The following PLAAT1 variants were observed in gnomAD, a reference collection of about 807,000 sequenced individuals.
PLAAT1 encodes the protein phospholipase A and acyltransferase 1.
PLAAT1 carries 13 observed loss-of-function variants against 16.4 expected under a neutral mutation model. The observed-to-expected ratio is 0.79, with a 90% CI of 0.52 to 1.26. The LOEUF (loss-of-function observed/expected upper bound fraction) is 1.26, where lower values mean the gene tolerates loss of function less well. Ranked by LOEUF, PLAAT1 falls within the 50% of genes most tolerant of loss-of-function variation. The pLI is 0.00. For synonymous variants in PLAAT1, 73 were observed against 78.4 expected, an observed-to-expected ratio of 0.93 and a Z score of 0.36; for missense variants, 218 against 207.8, an observed-to-expected ratio of 1.05 and a Z score of -0.30.
upstream of PLAAT1, chr3:193,241,074 C>A: frequency 1.7e-6 from 1 of 586,592 alleles, no homozygotes; most frequent in Non-Finnish European, 2.4e-6. Flanking sequence ...GTTGCGTGCG[C>A]GCGCGGAGGC....
In PLAAT1 at chr3:193,263,026, G is replaced by A. The variant is rs768917544; in HGVS notation, c.196G>A (p.Val66Met). 16 of 1,614,056 alleles carry A rather than the reference G, an allele frequency of 9.9e-6. No homozygotes were observed. The highest frequency in any genetic ancestry group is 2.2e-5 in the South Asian group (2 of 91,074). The change falls in exon 3 of 4, where the codon GTG becomes ATG. Residue 66 changes from valine to methionine, a missense_variant. By Grantham distance (21) the Val-to-Met change is conservative. Coordinates refer to ENST00000264735, the MANE Select transcript of PLAAT1 (RefSeq NM_020386.5). ...GTCTGTATTCAGCAGTAAGGCCCTG[G>A]TGAAAATGCAGCTCTTGAAGGATGT... is the stretch of plus-strand genomic sequence containing the variant. ...AKSVFSSKAL[V>M]KMQLLKDVVG... is the part of the protein sequence containing the mutation.
chr3:193,270,938 T>C, downstream of PLAAT1: 1 of 737,582 alleles, frequency 1.4e-6, no homozygotes, highest in Non-Finnish European at 1.8e-6. Context: ...GTCTTTTGAG[T>C]GAGCCAGCAG....
At chr3:193,250,849 G>A (rs144344961) in intron 1 of PLAAT1, among the ~76,000 whole-genome samples, 1,079 of 104,906 alleles carry the variant, frequency 0.01, 12 homozygotes, top group African/African-American at 0.034. Context: ...CCCCACCCCC[G>A]CACCTTTTTC....
downstream of PLAAT1, among the ~76,000 whole-genome samples, chr3:193,280,792 T>C (rs1257157946): frequency 2.0e-5 from 3 of 152,194 alleles, no homozygotes; most frequent in African/African-American, 7.2e-5. Flanking sequence ...ATGATACAAA[T>C]GATTCTGACA....
chr3:193,258,447 T>A (rs1036520438), intron 2 of PLAAT1, among the ~76,000 whole-genome samples: 1 of 149,174 alleles, frequency 6.7e-6, no homozygotes, highest in Non-Finnish European at 1.5e-5. Context: ...CAAAAATCCA[T>A]GCAAAATTAA....
At chr3:193,249,008 C>G (rs1430028520) in intron 1 of PLAAT1, among the ~76,000 whole-genome samples, 3 of 152,116 alleles carry the variant, frequency 2.0e-5, no homozygotes, top group African/African-American at 7.2e-5. Flanking sequence ...TAAATTCCCT[C>G]AGCTTTTGTT....
Position 193,255,805 on chromosome 3 carries a change from A to G in PLAAT1, c.139+16A>G. On this transcript the variant is annotated intron_variant, in intron 2 of 3. Transcript: ENST00000264735. ...GCACCTGTAGGTGAGGTTTATTTCC[A>G]GTGGCTCCTGGGAGCAAAGTTTTAG... 1.9e-6 allele frequency: 3 copies of G among 1,562,342 alleles called. No homozygotes were observed. The highest frequency in any genetic ancestry group is 2.6e-6 in the Non-Finnish European group (3 of 1,150,400).
chr3:193,273,194 A>G (rs562513457), downstream of PLAAT1, among the ~76,000 whole-genome samples: 9 of 152,322 alleles, frequency 5.9e-5, no homozygotes, highest in African/African-American at 2.2e-4. Flanking sequence ...CTAAAAGTCA[A>G]ATTACTAAAT....
chr3:193,265,287 T>C (rs1217492344), intron 3 of PLAAT1, among the ~76,000 whole-genome samples: 1 of 152,212 alleles, frequency 6.6e-6, no homozygotes, highest in Non-Finnish European at 1.5e-5. Context: ...ATCCATACAA[T>C]GTAATATCTT....
intron 1 of PLAAT1, among the ~76,000 whole-genome samples, chr3:193,249,352 G>A (rs1716106502): frequency 6.6e-6 from 1 of 152,224 alleles, no homozygotes; most frequent in South Asian, 2.1e-4. Context: ...CCTACACTTA[G>A]GAAGGTTTTC....
chr3:193,273,471 T>C (rs549374031), downstream of PLAAT1, among the ~76,000 whole-genome samples: 2 of 152,344 alleles, frequency 1.3e-5, no homozygotes, highest in South Asian at 2.1e-4. Flanking sequence ...TAATATGATT[T>C]ACAGTAGCGA....
chr3:193,280,722 T>C (rs886383886), downstream of PLAAT1, among the ~76,000 whole-genome samples: 6 of 152,218 alleles, frequency 3.9e-5, no homozygotes, highest in Non-Finnish European at 8.8e-5. Context: ...CTTAGAAATA[T>C]TATTTTTTAA....
intron 2 of PLAAT1, among the ~76,000 whole-genome samples, chr3:193,259,347 G>C (rs527244058): frequency 6.6e-6 from 1 of 152,188 alleles, no homozygotes; most frequent in South Asian, 2.1e-4. Flanking sequence ...CACTATTCCT[G>C]TTCAACATAG....
chr3:193,246,987 G>A (rs1716004604), intron 1 of PLAAT1, among the ~76,000 whole-genome samples: 1 of 152,108 alleles, frequency 6.6e-6, no homozygotes, highest in Non-Finnish European at 1.5e-5. Context: ...ATCAGGTCCT[G>A]GGCTTTCCTT....
downstream of PLAAT1, chr3:193,275,402 T>C (rs1262463557): frequency 1.5e-6 from 2 of 1,371,386 alleles, no homozygotes; most frequent in East Asian, 2.3e-5. Flanking sequence ...GGCCTTCCTC[T>C]GAGGTGTGCT....
intron 1 of PLAAT1, among the ~76,000 whole-genome samples, chr3:193,246,178 G>A (rs1715976078): frequency 6.6e-6 from 1 of 152,084 alleles, no homozygotes; most frequent in South Asian, 2.1e-4. Flanking sequence ...GAGCATGATG[G>A]TGTCTGTGGG....
At chr3:193,276,412 T>A (rs1012880899) in intron 2 of PLAAT1, among the ~76,000 whole-genome samples, 1 of 152,216 alleles carries the variant, frequency 6.6e-6, no homozygotes, top group African/African-American at 2.4e-5. Flanking sequence ...AAAGTCTCTT[T>A]GGGTTTTAGG....
downstream of PLAAT1, among the ~76,000 whole-genome samples, chr3:193,279,142 G>A (rs899331358): frequency 2.0e-5 from 3 of 151,990 alleles, no homozygotes; most frequent in Admixed American, 6.6e-5. Flanking sequence ...CAATATTTCA[G>A]GTAGGTACAG....
exon 3 of PLAAT1, chr3:193,277,649 TAATC>T (rs1219066486): frequency 6.6e-5 from 10 of 152,334 alleles, no homozygotes; most frequent in South Asian, 2.1e-4. Flanking sequence ...GAGACAGTCT[TAATC>T]AAGTTGTGAA....
Sources: gnomAD v4.1 joint callset for allele counts (sites outside exome capture counted in the v4.1 genomes callset) on GRCh38, gnomAD v4.1.1 for gene constraint, MANE v1.5 for transcripts, NCBI Gene and HGNC (gene_info 2026-07-23, HGNC 2026-07-21) for gene names.